The following THSD7B variants were observed in gnomAD, a reference collection of about 807,000 sequenced individuals.
THSD7B encodes thrombospondin type-1 domain-containing protein 7B.
THSD7B carries 138 observed loss-of-function variants against 213.6 expected under a neutral mutation model. The observed-to-expected ratio is 0.65, with a 90% CI of 0.56 to 0.74. THSD7B has a LOEUF of 0.74. THSD7B is among the 30% of genes least tolerant of loss of function. THSD7B has a pLI of 0.00. For missense variants in THSD7B, 1,931 were observed against 1,991.5 expected, an observed-to-expected ratio of 0.97 and a Z score of 0.58; for synonymous variants, 742 against 687.0, an observed-to-expected ratio of 1.08 and a Z score of -1.25.
chr2:137,606,807 G>A (rs553002663), intron 17 of THSD7B, among the ~76,000 whole-genome samples: 1 of 152,154 alleles, frequency 6.6e-6, no homozygotes, highest in East Asian at 1.9e-4. Flanking sequence ...GGAAGGAGGA[G>A]GAGAAGGAAA....
At chr2:137,552,280 G>T (rs1013976881) in intron 15 of THSD7B, among the ~76,000 whole-genome samples, 6 of 151,578 alleles carry the variant, frequency 4.0e-5, no homozygotes, top group African/African-American at 1.5e-4. Context: ...CTTTCCTTTT[G>T]CAGGAATTTA....
At chr2:137,020,492 CCA>C (rs1442055997) in intron 2 of THSD7B, among the ~76,000 whole-genome samples, 8 of 152,144 alleles carry the variant, frequency 5.3e-5, no homozygotes, top group Admixed American at 4.6e-4. Context: ...CGTGCAAGCC[CCA>C]CCAGTGGGAA....
At chr2:136,823,662 C>T (rs868642372) in intron 1 of THSD7B, among the ~76,000 whole-genome samples, 1 of 152,120 alleles carries the variant, frequency 6.6e-6, no homozygotes, top group African/African-American at 2.4e-5. Context: ...CAATTTATTA[C>T]TTGGGCAGCA....
At chr2:136,778,834 A>AACAG (rs796833826) in intron 1 of THSD7B, among the ~76,000 whole-genome samples, 9 of 152,336 alleles carry the variant, frequency 5.9e-5, no homozygotes, top group African/African-American at 2.2e-4. Context: ...AAGCACTAGG[A>AACAG]ACAGACATTT....
At chr2:136,818,035 T>C (rs1446204287) in intron 1 of THSD7B, among the ~76,000 whole-genome samples, 2 of 146,266 alleles carry the variant, frequency 1.4e-5, no homozygotes, top group South Asian at 2.2e-4. Context: ...GACCCAGCCA[T>C]CCCATTACTG....
chr2:136,804,786 T>G (rs1350365665), intron 1 of THSD7B, among the ~76,000 whole-genome samples: 1 of 152,180 alleles, frequency 6.6e-6, no homozygotes, highest in Admixed American at 6.5e-5. Flanking sequence ...GTAAAAAAGC[T>G]TGCTTAATTA....
At chr2:137,429,920 G>C (rs1687137327) in intron 14 of THSD7B, among the ~76,000 whole-genome samples, 2 of 152,112 alleles carry the variant, frequency 1.3e-5, no homozygotes, top group Admixed American at 1.3e-4. Context: ...CAGAACTCCA[G>C]TGTTAACAAA....
intron 10 of THSD7B, among the ~76,000 whole-genome samples, chr2:137,255,636 A>G (rs1012309261): frequency 3.9e-5 from 6 of 151,904 alleles, no homozygotes; most frequent in Admixed American, 6.6e-5. Context: ...GCTTTTTTCC[A>G]TCTCATTCAG....
intron 15 of THSD7B, among the ~76,000 whole-genome samples, chr2:137,550,658 G>A (rs1487214461): frequency 2.6e-5 from 4 of 152,078 alleles, no homozygotes; most frequent in Admixed American, 1.3e-4. Flanking sequence ...CAGGAGTGAG[G>A]ATGAAGTACA....
chr2:137,529,830 C>T (rs1260300961), intron 15 of THSD7B, among the ~76,000 whole-genome samples: 1 of 151,876 alleles, frequency 6.6e-6, no homozygotes, highest in Non-Finnish European at 1.5e-5. Context: ...CCTCTAACTA[C>T]ATGTCAGCAC....
At chr2:137,078,647 TTATG>T (rs2104901731) in intron 3 of THSD7B, among the ~76,000 whole-genome samples, 1 of 152,246 alleles carries the variant, frequency 6.6e-6, no homozygotes, top group East Asian at 1.9e-4. Context: ...CATGCTTTCT[TTATG>T]TATGTATATA....
chr2:136,884,181 C>T (rs574060181), intron 2 of THSD7B, among the ~76,000 whole-genome samples: 3 of 152,192 alleles, frequency 2.0e-5, no homozygotes, highest in Admixed American at 2.0e-4. Flanking sequence ...AGAAACAGCA[C>T]ATGCGAAGTC....
intron 12 of THSD7B, among the ~76,000 whole-genome samples, chr2:137,318,786 CT>C (rs70978212): frequency 3.9e-4 from 29 of 73,682 alleles, no homozygotes; most frequent in East Asian, 1.4e-3. Context: ...GAATGCTTAT[CT>C]TTTTTTTTTT....
At chr2:137,149,363 A>T (rs979935915) in intron 5 of THSD7B, among the ~76,000 whole-genome samples, 6 of 47,984 alleles carry the variant, frequency 1.3e-4, no homozygotes, top group African/African-American at 5.4e-4. Flanking sequence ...TGGAGTTCCC[A>T]CACAGAGTCC....
In THSD7B at chr2:136,877,384, T is replaced by C. The variant is rs575234787; in HGVS notation, c.-35-4760T>C. Among the ~76,000 whole-genome samples the C allele has an allele frequency of 2.4e-3, 361 of 152,282 alleles. 3 individuals are homozygous for C. The highest frequency in any genetic ancestry group is 7.0e-3 in the African/African-American group (291 of 41,554). ...CTCTAGGCCAGAAGTTTTAGAATTGTGTCTAGTAACGCCGCAAAAGTTTCA... is the reference window on the plus strand; with the variant it reads ...CTCTAGGCCAGAAGTTTTAGAATTGCGTCTAGTAACGCCGCAAAAGTTTCA... On this transcript the variant is annotated intron_variant, in intron 1 of 27. Transcript: ENST00000409968.
At chr2:136,835,835 A>T (rs1164887363) in intron 1 of THSD7B, among the ~76,000 whole-genome samples, 1 of 152,198 alleles carries the variant, frequency 6.6e-6, no homozygotes, top group Admixed American at 6.5e-5. Context: ...TAAAGGACTG[A>T]ATCTATCCCT....
intron 12 of THSD7B, among the ~76,000 whole-genome samples, chr2:137,320,425 T>G (rs1437299845): frequency 6.6e-6 from 1 of 152,222 alleles, no homozygotes; most frequent in East Asian, 1.9e-4. Context: ...ACAACTATTT[T>G]GATATCATAC....
At chr2:137,056,081 A>G (rs1190262202) in intron 2 of THSD7B, among the ~76,000 whole-genome samples, 1 of 152,212 alleles carries the variant, frequency 6.6e-6, no homozygotes, top group African/African-American at 2.4e-5. Context: ...GGTACCAATC[A>G]TTTATTAAAT....
At chr2:136,930,210 G>A (rs781078634) in intron 2 of THSD7B, among the ~76,000 whole-genome samples, 1 of 152,186 alleles carries the variant, frequency 6.6e-6, no homozygotes, top group Non-Finnish European at 1.5e-5. Flanking sequence ...TCAAGGAAGG[G>A]AGAGATCAGT....
Sources: allele counts gnomAD v4.1 joint callset (sites outside exome capture counted in the v4.1 genomes callset), GRCh38; gene constraint gnomAD v4.1.1; transcripts MANE v1.5; gene names NCBI Gene and HGNC (gene_info 2026-07-23, HGNC 2026-07-21).